Variants in STXBP5L observed in about 807,000 individuals in gnomAD.
STXBP5L encodes syntaxin binding protein 5L.
Under a neutral mutation model 144.5 loss-of-function variants are expected in STXBP5L, and 65 were observed. That is an observed-to-expected ratio of 0.45 (90% CI 0.37 to 0.55). STXBP5L has a LOEUF of 0.55. STXBP5L is among the 20% of genes least tolerant of loss of function. STXBP5L has a pLI of 0.00. For synonymous variants in STXBP5L, 505 were observed against 469.6 expected, an observed-to-expected ratio of 1.08 and a Z score of -0.97; for missense variants, 1,298 against 1,405.5, an observed-to-expected ratio of 0.92 and a Z score of 1.22.
intron 2 of STXBP5L, among the ~76,000 whole-genome samples, chr3:120,914,572 T>G (rs1036062967): frequency 1.3e-5 from 2 of 152,124 alleles, no homozygotes; most frequent in African/African-American, 4.8e-5. Context: ...CCTTGAATAC[T>G]ATCTCTTCCT....
intron 3 of STXBP5L, among the ~76,000 whole-genome samples, chr3:121,022,163 C>G (rs1298190757): frequency 2.0e-5 from 3 of 151,872 alleles, no homozygotes; most frequent in Non-Finnish European, 2.9e-5. Flanking sequence ...AACTAGAAAA[C>G]CTAGAGGAGA....
intron 7 of STXBP5L, among the ~76,000 whole-genome samples, chr3:121,122,626 A>AT (rs976714196): frequency 6.6e-6 from 1 of 151,520 alleles, no homozygotes; most frequent in African/African-American, 2.4e-5. Context: ...ATAATTAGCT[A>AT]TTGAATAAAT....
chr3:120,916,524 C>G (rs1181761193), intron 2 of STXBP5L, among the ~76,000 whole-genome samples: 2 of 152,154 alleles, frequency 1.3e-5, no homozygotes, highest in Non-Finnish European at 2.9e-5. Context: ...TGGTCTCAAA[C>G]TCCTGACCTC....
At chr3:120,984,713 G>C (rs1023104435) in intron 3 of STXBP5L, among the ~76,000 whole-genome samples, 1 of 135,812 alleles carries the variant, frequency 7.4e-6, no homozygotes, top group African/African-American at 2.7e-5. Flanking sequence ...AGTGGTGAAA[G>C]TAGGCATCCT....
intron 22 of STXBP5L, among the ~76,000 whole-genome samples, chr3:121,402,092 G>T (rs1172939189): frequency 6.6e-6 from 1 of 152,166 alleles, no homozygotes; most frequent in Non-Finnish European, 1.5e-5. Flanking sequence ...CCCACAAATT[G>T]TGTAGCTGAT....
intron 9 of STXBP5L, among the ~76,000 whole-genome samples, chr3:121,201,528 TTA>T (rs2048138346): frequency 6.6e-6 from 1 of 152,224 alleles, no homozygotes; most frequent in Admixed American, 6.5e-5. Context: ...GTTAATATTG[TTA>T]TGTGTGAATT....
At chr3:120,962,284 G>T (rs1004813575) in intron 3 of STXBP5L, among the ~76,000 whole-genome samples, 5 of 152,158 alleles carry the variant, frequency 3.3e-5, no homozygotes, top group Non-Finnish European at 7.4e-5. Flanking sequence ...AGTTTAATTA[G>T]ATCCCATTTG....
In STXBP5L at chr3:121,419,186, G is replaced by T. The variant is rs752885983; in HGVS notation, c.*89G>T. ...ATCACTACTCAACTGCTAGAAGCCA[G>T]TTTCTTCTACAAAATGTTCCATTTA... On this transcript the variant is annotated 3_prime_UTR_variant, in exon 27 of 27. Transcript: ENST00000471454. 1 of 1,252,936 alleles carries T rather than the reference G, an allele frequency of 8.0e-7. No homozygotes were observed. Among genetic ancestry groups the T allele is most frequent in the Non-Finnish European group, 1.1e-6 (1 of 893,060 alleles). The allele number at this position is 1,252,936 out of a possible 1,614,324, so 77.6% of individuals were successfully genotyped here.
chr3:121,147,907 C>A (rs1422496671), intron 7 of STXBP5L, among the ~76,000 whole-genome samples: 1 of 152,086 alleles, frequency 6.6e-6, no homozygotes, highest in East Asian at 1.9e-4. Context: ...GAAACATCGG[C>A]TCTTCCTGGT....
At chr3:121,095,699 C>G (rs576713796) in intron 5 of STXBP5L, among the ~76,000 whole-genome samples, 1 of 152,008 alleles carries the variant, frequency 6.6e-6, no homozygotes, top group Non-Finnish European at 1.5e-5. Flanking sequence ...ATTCTTTTTT[C>G]AAGGTTTTTA....
intron 3 of STXBP5L, among the ~76,000 whole-genome samples, chr3:120,972,771 T>C (rs1159135522): frequency 6.6e-6 from 1 of 152,114 alleles, no homozygotes; most frequent in Non-Finnish European, 1.5e-5. Flanking sequence ...AGAATTGTTA[T>C]CATGAAGGGG....
At chr3:121,193,320 C>G (rs972897940) in intron 9 of STXBP5L, among the ~76,000 whole-genome samples, 1 of 142,484 alleles carries the variant, frequency 7.0e-6, no homozygotes, top group Non-Finnish European at 1.5e-5. Flanking sequence ...AGTCAGGAAA[C>G]AAGAGGTGCT....
intron 6 of STXBP5L, among the ~76,000 whole-genome samples, chr3:121,120,850 G>A (rs1465467032): frequency 1.3e-5 from 2 of 151,252 alleles, no homozygotes; most frequent in African/African-American, 4.8e-5. Flanking sequence ...CGTGGAGAAA[G>A]GCTGTGGAAA....
chr3:121,375,038 G>A (rs1019326354), intron 20 of STXBP5L, among the ~76,000 whole-genome samples: 45 of 149,968 alleles, frequency 3.0e-4, no homozygotes, highest in Non-Finnish European at 6.0e-4. Context: ...GGGTGGGAGG[G>A]GGAGTGAAAG....
At chr3:121,190,827 G>A (rs1210033890) in intron 9 of STXBP5L, among the ~76,000 whole-genome samples, 3 of 151,648 alleles carry the variant, frequency 2.0e-5, no homozygotes, top group African/African-American at 7.3e-5. Context: ...CTCAGACGGG[G>A]CGGCCAGTCA....
intron 18 of STXBP5L, among the ~76,000 whole-genome samples, chr3:121,269,577 G>A (rs957020027): frequency 5.3e-5 from 8 of 152,104 alleles, no homozygotes; most frequent in Non-Finnish European, 8.8e-5. Flanking sequence ...AGTGGCAGAT[G>A]GTACTTGCAT....
At chr3:120,937,756 A>G (rs1710343199) in intron 2 of STXBP5L, among the ~76,000 whole-genome samples, 1 of 152,210 alleles carries the variant, frequency 6.6e-6, no homozygotes, top group Non-Finnish European at 1.5e-5. Context: ...AAAAAAACTT[A>G]AAATCTTAGG....
intron 3 of STXBP5L, among the ~76,000 whole-genome samples, chr3:121,007,072 A>T (rs532216337): frequency 6.6e-6 from 1 of 152,168 alleles, no homozygotes; most frequent in African/African-American, 2.4e-5. Context: ...CGTTCTCTGT[A>T]TTTCCTGAAT....
At chr3:121,008,230 C>G (rs1944497806) in intron 3 of STXBP5L, among the ~76,000 whole-genome samples, 1 of 151,946 alleles carries the variant, frequency 6.6e-6, no homozygotes, top group African/African-American at 2.4e-5. Context: ...AGCAACAACT[C>G]TAGCCCCTCA....
Sources: gnomAD v4.1 joint callset for allele counts (sites outside exome capture counted in the v4.1 genomes callset) on GRCh38, gnomAD v4.1.1 for gene constraint, MANE v1.5 for transcripts, NCBI Gene and HGNC (gene_info 2026-07-23, HGNC 2026-07-21) for gene names.